The following ABLIM2 variants were observed in gnomAD, a reference collection of about 807,000 sequenced individuals.
ABLIM2 encodes the protein actin-binding LIM protein 2.
A neutral mutation model predicts 97.7 loss-of-function variants in ABLIM2; 53 were observed. The observed-to-expected ratio is 0.54, with a 90% confidence interval of 0.44 to 0.68. ABLIM2 has a LOEUF of 0.68. Among genes scored for constraint, ABLIM2 ranks in the 30% least tolerant of loss-of-function variants. The pLI is 0.00. For missense variants in ABLIM2, 835 were observed against 867.2 expected (o/e 0.96, Z 0.47); for synonymous variants, 361 against 345.8 (o/e 1.04, Z -0.49).
chr4:8,018,862 T>C (rs780135120), intron 14 of ABLIM2, among the ~76,000 whole-genome samples: 3 of 152,156 alleles, frequency 2.0e-5, no homozygotes, highest in Non-Finnish European at 2.9e-5. Flanking sequence ...CTATTCGATA[T>C]CCCATGAAGT....
At chr4:8,103,931 A>T (rs1835929863) in intron 2 of ABLIM2, among the ~76,000 whole-genome samples, 1 of 152,268 alleles carries the variant, frequency 6.6e-6, no homozygotes, top group African/African-American at 2.4e-5. Context: ...AAAAAGAGGC[A>T]TCTAATGGAT....
At position 8,128,482 on chromosome 4, in the gene ABLIM2, CAG is replaced by C. The variant is rs1347063011; in HGVS notation, c.11-21847_11-21846del. On this transcript the variant is annotated intron_variant, in intron 1 of 20. Coordinates refer to ENST00000447017, the MANE Select transcript of ABLIM2 (RefSeq NM_001130083.2). The surrounding 1 kb of genome is among the most constrained non-coding windows in gnomAD (Gnocchi z 4.9). ...GAAACATGGCTAGCACCACGCAGAACAGAGTTTTAGATTTTATTTAATTTTAA... is the reference window on the plus strand; with the variant it reads ...GAAACATGGCTAGCACCACGCAGAACAGTTTTAGATTTTATTTAATTTTAA... 6.6e-6 allele frequency among the ~76,000 whole-genome samples: 1 copy of C among 152,210 alleles called. No individual in the cohort carries two copies. Among genetic ancestry groups the C allele is most frequent in the Admixed American group, 6.5e-5 (1 of 15,288 alleles).
intron 1 of ABLIM2, among the ~76,000 whole-genome samples, chr4:8,118,678 A>G (rs900873603): frequency 6.6e-6 from 1 of 151,386 alleles, no homozygotes; most frequent in East Asian, 1.9e-4. Flanking sequence ...CTGATCCCAC[A>G]CTCTTTCCCA....
In ABLIM2 at chr4:8,019,690, A is replaced by G. The variant is rs34477140; in HGVS notation, c.1370-19T>C. 0.31 allele frequency: 497,116 copies of G among 1,603,610 alleles called. 82,713 individuals carry two copies. The highest frequency in any genetic ancestry group is 0.35 in the Non-Finnish European group (411,581 of 1,172,422). On this transcript the variant is annotated intron_variant, in intron 13 of 20. Coordinates refer to ENST00000447017, the MANE Select transcript of ABLIM2 (RefSeq NM_001130083.2). This position sits in a 1 kb window ranked among gnomAD's most constrained non-coding sequence, Gnocchi z 4.3. Reference sequence around the variant, plus strand: ...CCAGTGTCTGGGGAAGAAGAAAGAAAAAAAAGGAGAGAACAGGAGGGTAAG... The same window carrying G: ...CCAGTGTCTGGGGAAGAAGAAAGAAGAAAAAGGAGAGAACAGGAGGGTAAG...
In ABLIM2 at chr4:8,150,408, G is replaced by A. The variant is rs1262837880; in HGVS notation, c.10+8272C>T. On this transcript the variant is annotated intron_variant, in intron 1 of 20. Coordinates refer to ENST00000447017, the MANE Select transcript of ABLIM2 (RefSeq NM_001130083.2). The surrounding 1 kb of genome is among the most constrained non-coding windows in gnomAD (Gnocchi z 6.3). ...TCTCATTCTACCTGAGTGGCTTTCAGGGGAGCCAGTACAAGGCCCCATCGT... is the reference window on the plus strand; with the variant it reads ...TCTCATTCTACCTGAGTGGCTTTCAAGGGAGCCAGTACAAGGCCCCATCGT... Among the ~76,000 whole-genome samples, 1 of 152,188 alleles carries A rather than the reference G, an allele frequency of 6.6e-6. No homozygotes were observed. Among genetic ancestry groups the A allele is most frequent in the African/African-American group, 2.4e-5 (1 of 41,440 alleles).
Position 8,132,179 on chromosome 4 carries a change from G to T in ABLIM2, c.11-25542C>A, listed in dbSNP as rs1849532555. Among the ~76,000 whole-genome samples the T allele has an allele frequency of 1.3e-5, 2 of 151,790 alleles. No individual in the cohort carries two copies. The highest frequency in any genetic ancestry group is 4.8e-5 in the African/African-American group (2 of 41,286). ...ACAGCGTACATGGTCCCACGAGGCTGCAATCACCCCCCTGCTCACTCATGC... is the reference window on the plus strand; with the variant it reads ...ACAGCGTACATGGTCCCACGAGGCTTCAATCACCCCCCTGCTCACTCATGC... On this transcript the variant is annotated intron_variant, in intron 1 of 20. Coordinates refer to ENST00000447017, the MANE Select transcript of ABLIM2 (RefSeq NM_001130083.2). The surrounding 1 kb of genome is among the most constrained non-coding windows in gnomAD (Gnocchi z 8.0).
In ABLIM2 at chr4:8,127,181, G is replaced by A. The variant is rs1429101501; in HGVS notation, c.11-20544C>T. Among the ~76,000 whole-genome samples the A allele has an allele frequency of 1.3e-5, 2 of 152,160 alleles. No homozygotes were observed. The highest frequency in any genetic ancestry group is 2.4e-5 in the African/African-American group (1 of 41,430). On this transcript the variant is annotated intron_variant, in intron 1 of 20. Transcript: ENST00000447017. This position sits in a 1 kb window ranked among gnomAD's most constrained non-coding sequence, Gnocchi z 7.3. ...CTTAAAGGAAAAAAGAAAAGGGAGG[G>A]AGGGAGGCCCAGACGCTGTGGTCAG...
intron 1 of ABLIM2, among the ~76,000 whole-genome samples, chr4:8,121,432 C>T (rs965116670): frequency 4.6e-5 from 7 of 152,246 alleles, no homozygotes; most frequent in African/African-American, 1.7e-4. Context: ...ATTCCATCAC[C>T]AGAAGAGTGC....
chr4:8,121,164 A>G (rs1197143595), intron 1 of ABLIM2, among the ~76,000 whole-genome samples: 1 of 152,204 alleles, frequency 6.6e-6, no homozygotes, highest in Non-Finnish European at 1.5e-5. Flanking sequence ...TGGGACACTG[A>G]TCCTACCCAA....
At chr4:8,129,380 C>T (rs1042895505) in intron 1 of ABLIM2, among the ~76,000 whole-genome samples, 12 of 152,206 alleles carry the variant, frequency 7.9e-5, no homozygotes, top group Admixed American at 3.9e-4. Flanking sequence ...CCAGCTTGCG[C>T]GGCCCCTGCG....
chr4:8,067,196 G>A lies in ABLIM2; in HGVS notation c.676-6142C>T, dbSNP rs1048763141. On this transcript the variant is annotated intron_variant, in intron 6 of 20. Coordinates refer to ENST00000447017, the MANE Select transcript of ABLIM2 (RefSeq NM_001130083.2). This position sits in a 1 kb window ranked among gnomAD's most constrained non-coding sequence, Gnocchi z 5.4. ...GACTCCATGGGCCATGGGGACAATC[G>A]GGGACATTTGTGGCTGAGCCCCTGC... 2.0e-5 allele frequency: 3 copies of A among 152,228 alleles called. No individual in the cohort carries two copies. The highest frequency in any genetic ancestry group is 4.8e-5 in the African/African-American group (2 of 41,450). 9.4% of individuals were successfully genotyped at this position (152,228 alleles called of 1,614,324 possible).
intron 12 of ABLIM2, chr4:8,020,816 A>C (rs932649896): frequency 6.0e-6 from 1 of 165,526 alleles, no homozygotes; most frequent in Non-Finnish European, 1.3e-5. Context: ...AGAAGATAAG[A>C]AAAGAGTAGT....
rs538912690 is a variant in ABLIM2 at position 8,017,179 on chromosome 4, C to T, written c.1423+2439G>A. ...GGTGGGTGCGAGGCCTCCTGCGCCG[C>T]CTCCTCCCAGGCCCTCATACAACTA... On this transcript the variant is annotated intron_variant, in intron 14 of 20. Transcript: ENST00000447017. Among the ~76,000 whole-genome samples, 179 of 152,344 alleles carry T rather than the reference C, an allele frequency of 1.2e-3. 1 individual carries two copies. Among genetic ancestry groups the T allele is most frequent in the African/African-American group, 4.2e-3 (173 of 41,586 alleles).
Position 8,095,658 on chromosome 4 carries a change from C to T in ABLIM2, c.338+1441G>A, listed in dbSNP as rs112526606. 3.2e-3 allele frequency among the ~76,000 whole-genome samples: 489 copies of T among 152,192 alleles called. 1 individual carries two copies. The highest frequency in any genetic ancestry group is 0.011 in the African/African-American group (459 of 41,506). The stretch of plus-strand genomic sequence containing the variant: ...CTTGGCCTCCCGAGGTGCTGGATTA[C>T]GGGTGTGAGCCTCCGCGCCCAGCCA... On this transcript the variant is annotated intron_variant, in intron 3 of 20. Transcript: ENST00000447017. This position sits in a 1 kb window ranked among gnomAD's most constrained non-coding sequence, Gnocchi z 4.7.
intron 1 of ABLIM2, among the ~76,000 whole-genome samples, chr4:8,107,178 C>G (rs1285375794): frequency 6.6e-6 from 1 of 152,350 alleles, no homozygotes; most frequent in Admixed American, 6.5e-5. Context: ...TTGCTGCGGT[C>G]CCCTTAAATC....
rs1160658063 is a variant in ABLIM2, at chr4:8,125,085, G to A, written c.11-18448C>T. ...AGCTTGGTTGTCTTGATAGGATTGA[G>A]GGATGAGAGTTATTCGTATATTCGA... On this transcript the variant is annotated intron_variant, in intron 1 of 20. Transcript: ENST00000447017. This position sits in a 1 kb window ranked among gnomAD's most constrained non-coding sequence, Gnocchi z 6.2. 1.3e-5 allele frequency among the ~76,000 whole-genome samples: 2 copies of A among 152,154 alleles called. No individual in the cohort carries two copies. The highest frequency in any genetic ancestry group is 4.8e-5 in the African/African-American group (2 of 41,416).
Position 8,154,957 on chromosome 4 carries a change from A to G in ABLIM2, c.10+3723T>C, listed in dbSNP as rs559141463. 4.6e-4 allele frequency among the ~76,000 whole-genome samples: 70 copies of G among 152,260 alleles called. No individual in the cohort carries two copies. The South Asian group carries it at 0.014, about 30-fold the overall frequency. On this transcript the variant is annotated intron_variant, in intron 1 of 20. Coordinates refer to ENST00000447017, the MANE Select transcript of ABLIM2 (RefSeq NM_001130083.2). ...GCAGGCAAGAGAGCGTGTGCAGGGGAACTGCCCTTTATAAAACCACCAGCT... is the reference window on the plus strand; with the variant it reads ...GCAGGCAAGAGAGCGTGTGCAGGGGGACTGCCCTTTATAAAACCACCAGCT...
In ABLIM2 at chr4:8,115,108, G is replaced by A. The variant is rs751461466; in HGVS notation, c.11-8471C>T. On this transcript the variant is annotated intron_variant, in intron 1 of 20. Transcript: ENST00000447017. ...GCTCTGCTTTGGGGTCCTGAGGATG[G>A]ACGCAGGGCTTGTGTGCAGATGTGT... Among the ~76,000 whole-genome samples, 176 of 152,198 alleles carry A rather than the reference G, an allele frequency of 1.2e-3. 4 individuals are homozygous for A. The highest frequency in any genetic ancestry group is 4.6e-4 in the Non-Finnish European group (31 of 68,022).
At position 8,031,954 on chromosome 4, in the gene ABLIM2, T is replaced by C. The variant is rs185434891; in HGVS notation, c.1048-2178A>G. Among the ~76,000 whole-genome samples the C allele has an allele frequency of 6.8e-4, 103 of 152,190 alleles. 1 individual carries two copies. The highest frequency in any genetic ancestry group is 2.4e-3 in the African/African-American group (99 of 41,524). On this transcript the variant is annotated intron_variant, in intron 10 of 20. Coordinates refer to ENST00000447017, the MANE Select transcript of ABLIM2 (RefSeq NM_001130083.2). ...TTTGGCCAGGCTGGTCTCGAACTCC[T>C]GACCTCTGGTGATCCGCCCACCTCG...
Sources: allele counts gnomAD v4.1 joint callset (sites outside exome capture counted in the v4.1 genomes callset), GRCh38; gene constraint gnomAD v4.1.1; non-coding constraint Gnocchi (gnomAD v3.1); transcripts MANE v1.5; gene names NCBI Gene and HGNC (gene_info 2026-07-23, HGNC 2026-07-21).